The following CNTLN variants were observed in gnomAD, a reference collection of about 807,000 sequenced individuals.
CNTLN encodes the protein centlein, centrosomal protein.
In CNTLN, 212 loss-of-function variants were observed where a neutral mutation model predicts 180.0. That is an observed-to-expected ratio of 1.18 (90% confidence interval 1.05 to 1.32). CNTLN has a LOEUF of 1.32. Ranked by LOEUF, CNTLN falls within the 40% of genes most tolerant of loss-of-function variation. The pLI, the probability that CNTLN is intolerant of heterozygous loss-of-function variation, is 0.00. For synonymous variants in CNTLN, 722 were observed against 563.1 expected, an observed-to-expected ratio of 1.28 and a Z score of -3.99; for missense variants, 2,095 against 1,610.9, an observed-to-expected ratio of 1.30 and a Z score of -5.14.
intron 6 of CNTLN, among the ~76,000 whole-genome samples, chr9:17,295,036 G>A (rs993053894): frequency 1.3e-5 from 2 of 151,850 alleles, no homozygotes; most frequent in Non-Finnish European, 2.9e-5. Flanking sequence ...GGCCAACACT[G>A]CTGGGGGACC....
At chr9:17,189,027 A>G (rs1293199984) in intron 2 of CNTLN, among the ~76,000 whole-genome samples, 1 of 135,576 alleles carries the variant, frequency 7.4e-6, no homozygotes, top group African/African-American at 2.7e-5. Context: ...TTTTTCTTCC[A>G]TGCAGTTAAG....
At chr9:17,343,761 A>C (rs1011742951) in intron 12 of CNTLN, among the ~76,000 whole-genome samples, 2 of 152,066 alleles carry the variant, frequency 1.3e-5, no homozygotes, top group African/African-American at 4.8e-5. Flanking sequence ...ATCACAATCT[A>C]TTTTAGATTT....
At chr9:17,152,278 G>C (rs1334713074) in intron 2 of CNTLN, among the ~76,000 whole-genome samples, 1 of 152,074 alleles carries the variant, frequency 6.6e-6, no homozygotes, top group East Asian at 1.9e-4. Context: ...GATCTTTCCT[G>C]CTTTGTCTTG....
intron 2 of CNTLN, among the ~76,000 whole-genome samples, chr9:17,222,532 T>C (rs181328521): frequency 1.4e-3 from 216 of 152,170 alleles, no homozygotes; most frequent in African/African-American, 5.0e-3. Flanking sequence ...TTTCCGCTTT[T>C]GCATCTTCCT....
At chr9:17,518,428 A>G in the CNTLN span, among the ~76,000 whole-genome samples, 2 of 152,266 alleles carry the variant, frequency 1.3e-5, no homozygotes, top group African/African-American at 4.8e-5. Context: ...TCATTAGAAT[A>G]TCTAAGTTTT....
chr9:17,342,562 A>G (rs1587712232), intron 12 of CNTLN, 118 bp downstream of exon 12: 3 of 935,746 alleles, frequency 3.2e-6, no homozygotes, highest in East Asian at 2.8e-5. Context: ...ATTTTTGCCA[A>G]TAAAAGTAAA....
At chr9:17,375,555 A>C (rs1342131604) in intron 13 of CNTLN, among the ~76,000 whole-genome samples, 1 of 152,202 alleles carries the variant, frequency 6.6e-6, no homozygotes, top group Non-Finnish European at 1.5e-5. Flanking sequence ...TTATAAGGAT[A>C]AATGATACTC....
intron 2 of CNTLN, among the ~76,000 whole-genome samples, chr9:17,162,367 G>A (rs1446708595): frequency 6.6e-6 from 1 of 152,136 alleles, no homozygotes; most frequent in Non-Finnish European, 1.5e-5. Flanking sequence ...GCCCGCCTCG[G>A]CCTCCCAAAG....
chr9:17,210,907 T>C (rs1054958430), intron 2 of CNTLN, among the ~76,000 whole-genome samples: 1 of 152,144 alleles, frequency 6.6e-6, no homozygotes. Context: ...GGGTTGTTTG[T>C]TTTTTTCTTG....
intron 2 of CNTLN, among the ~76,000 whole-genome samples, chr9:17,150,230 A>T (rs565240020): frequency 2.6e-5 from 4 of 152,258 alleles, no homozygotes; most frequent in African/African-American, 9.6e-5. Flanking sequence ...TTGCCCATGC[A>T]TATGTCCTGA....
At chr9:17,333,001 C>G (rs2133130612) in intron 10 of CNTLN, among the ~76,000 whole-genome samples, 1 of 151,902 alleles carries the variant, frequency 6.6e-6, no homozygotes, top group Non-Finnish European at 1.5e-5. Flanking sequence ...ATTTCTTAAC[C>G]CTTTCCCAAA....
intron 23 of CNTLN, among the ~76,000 whole-genome samples, chr9:17,479,504 A>G (rs933365974): frequency 1.3e-5 from 2 of 152,170 alleles, no homozygotes; most frequent in African/African-American, 4.8e-5. Context: ...ATAGAATCAA[A>G]GAGTGGAATG....
intron 2 of CNTLN, among the ~76,000 whole-genome samples, chr9:17,153,239 C>T (rs1056658081): frequency 8.5e-5 from 13 of 152,152 alleles, no homozygotes; most frequent in African/African-American, 3.1e-4. Flanking sequence ...AATGCAGTTT[C>T]TTCATAGTGT....
rs903790128 is a variant in CNTLN, at chr9:17,417,776, C to CT, written c.3114+1595dup. ...CAACTAAAAATCTGTGTTAGACATA[C>CT]TTTTTTTTCCTTTTTTGCAATCAAT... On this transcript the variant is annotated intron_variant, in intron 18 of 25. Coordinates refer to ENST00000380647, the MANE Select transcript of CNTLN (RefSeq NM_017738.4). 8.6e-5 allele frequency among the ~76,000 whole-genome samples: 13 copies of CT among 151,872 alleles called. No individual in the cohort carries two copies. The East Asian group carries it at 1.5e-3, about 18-fold the overall frequency.
intron 20 of CNTLN, among the ~76,000 whole-genome samples, chr9:17,463,239 CAT>C (rs1272922747): frequency 6.6e-6 from 1 of 151,518 alleles, no homozygotes; most frequent in Non-Finnish European, 1.5e-5. Flanking sequence ...CGTTATTAAA[CAT>C]ATTTAATTTT....
At chr9:17,324,815 G>A (rs1435131746) in intron 8 of CNTLN, among the ~76,000 whole-genome samples, 1 of 152,030 alleles carries the variant, frequency 6.6e-6, no homozygotes, top group Non-Finnish European at 1.5e-5. Flanking sequence ...GATACTAAAG[G>A]AAAGCTAAAT....
chr9:17,217,690 G>A (rs1011310915), intron 2 of CNTLN, among the ~76,000 whole-genome samples: 2 of 152,082 alleles, frequency 1.3e-5, no homozygotes, highest in African/African-American at 2.4e-5. Context: ...GGCATATAAT[G>A]CACAATCATA....
intron 12 of CNTLN, among the ~76,000 whole-genome samples, chr9:17,344,454 T>G (rs914838600): frequency 2.6e-5 from 4 of 152,136 alleles, no homozygotes; most frequent in African/African-American, 7.2e-5. Context: ...TAAGCTTTTT[T>G]GGGGGAGGGT....
chr9:17,145,650 T>G (rs1013329743), intron 2 of CNTLN, among the ~76,000 whole-genome samples: 1 of 152,206 alleles, frequency 6.6e-6, no homozygotes, highest in Non-Finnish European at 1.5e-5. Context: ...GCTGAGAACA[T>G]TTTTCCTTTT....
Sources: allele counts gnomAD v4.1 joint callset (sites outside exome capture counted in the v4.1 genomes callset), GRCh38; gene constraint gnomAD v4.1.1; transcripts MANE v1.5; gene names NCBI Gene and HGNC (gene_info 2026-07-23, HGNC 2026-07-21).